EFHD1: variants seen among roughly 807,000 people sequenced by gnomAD.
EFHD1 encodes the protein EF-hand domain family member D1, also known as EF-hand domain-containing protein D1.
A neutral mutation model predicts 17.2 loss-of-function variants in EFHD1; 10 were observed. That is an observed-to-expected ratio of 0.58 (90% CI 0.36 to 0.99). The LOEUF (loss-of-function observed/expected upper bound fraction) is 0.99. Among genes scored for constraint, EFHD1 ranks in the 50% least tolerant of loss-of-function variants. The probability of loss-of-function intolerance (pLI) is 0.01; values close to 1 mark genes in which losing one functional copy is unlikely to be tolerated. For missense variants in EFHD1, 310 were observed against 327.5 expected, an observed-to-expected ratio of 0.95 and a Z score of 0.41; for synonymous variants, 153 against 142.0, an observed-to-expected ratio of 1.08 and a Z score of -0.55.
intron 1 of EFHD1, among the ~76,000 whole-genome samples, chr2:232,654,416 CTT>C (rs539954632): frequency 2.1e-4 from 20 of 94,616 alleles, no homozygotes; most frequent in African/African-American, 7.4e-4. Flanking sequence ...TTCTTTCTTT[CTT>C]TTTTTTTTTT....
At chr2:232,631,033 C>T (rs999138914), upstream of EFHD1, among the ~76,000 whole-genome samples, 1 of 152,020 alleles carries the variant, frequency 6.6e-6, no homozygotes, top group Non-Finnish European at 1.5e-5. Context: ...CAAAACCAGC[C>T]TGGCCAACAT....
intron 2 of EFHD1, among the ~76,000 whole-genome samples, chr2:232,671,001 T>C (rs750913702): frequency 3.3e-5 from 5 of 152,262 alleles, no homozygotes; most frequent in Non-Finnish European, 7.3e-5. Flanking sequence ...TTCATCACTG[T>C]AAACTAGGAT....
intron 2 of EFHD1, among the ~76,000 whole-genome samples, chr2:232,664,967 A>G (rs548925154): frequency 3.9e-5 from 6 of 152,188 alleles, no homozygotes; most frequent in African/African-American, 1.4e-4. Context: ...GCTAGAGTGC[A>G]GTGGTATAGT....
chr2:232,621,737 C>T (rs1202567460), intron 1 of EFHD1, among the ~76,000 whole-genome samples: 2 of 152,176 alleles, frequency 1.3e-5, no homozygotes, highest in East Asian at 3.9e-4. Context: ...CAGGCGTGAG[C>T]CACTGTGCCT....
At chr2:232,642,167 A>G (rs1694444418) in intron 1 of EFHD1, among the ~76,000 whole-genome samples, 1 of 151,922 alleles carries the variant, frequency 6.6e-6, no homozygotes, top group Non-Finnish European at 1.5e-5. Flanking sequence ...GGTGGATCAC[A>G]AGGTCAGGAG....
chr2:232,628,191 G>A (rs1282335772), intron 1 of EFHD1, among the ~76,000 whole-genome samples: 2 of 152,092 alleles, frequency 1.3e-5, no homozygotes, highest in African/African-American at 4.8e-5. Context: ...CTCCTGAGTA[G>A]CTGGGATTAC....
At position 232,627,246 on chromosome 2, in the gene EFHD1, GA is replaced by G. The variant is rs1172175802; in HGVS notation, c.14+21087del. Among the ~76,000 whole-genome samples the G allele has an allele frequency of 2.2e-3, 208 of 93,770 alleles. 1 individual carries two copies. In the East Asian group the frequency reaches 0.023, roughly 10 times the overall value. The allele number at this position is 93,770 out of a possible 152,430, so 61.5% of individuals were successfully genotyped here. ...ACCCTGTCTTAAAAAAACACAAACA[GA>G]AAAAAAAAAAAAACTAGAATTTTGG... On this transcript the variant is annotated intron_variant, in intron 1 of 3. Coordinates refer to the EFHD1 transcript ENST00000409613.
intron 1 of EFHD1, among the ~76,000 whole-genome samples, chr2:232,642,373 CAAAAAAAAAAAAA>C (rs764647177): frequency 4.3e-5 from 3 of 68,968 alleles, no homozygotes; most frequent in African/African-American, 5.6e-5. Context: ...GACTCTGTCT[CAAAAAAAAAAAAA>C]AAAAAAAAAA....
Position 232,609,907 on chromosome 2 carries a change from C to T in EFHD1, c.14+3734C>T, listed in dbSNP as rs150874858. On this transcript the variant is annotated intron_variant, in intron 1 of 3. Transcript: ENST00000409613. ...TCTCCTTTCTCAGAGGAGAGAGTAA[C>T]GTGGGAGAAGCACCGTTTGCCTTTG... Among the ~76,000 whole-genome samples, 447 of 152,284 alleles carry T rather than the reference C, an allele frequency of 2.9e-3. 2 individuals carry two copies. The highest frequency in any genetic ancestry group is 0.02 in the Middle Eastern group (6 of 294).
chr2:232,669,382 C>T (rs908466709), intron 2 of EFHD1, among the ~76,000 whole-genome samples: 2 of 152,250 alleles, frequency 1.3e-5, no homozygotes, highest in South Asian at 4.2e-4. Context: ...ACAATATCCA[C>T]GGTAGCGTTA....
At chr2:232,630,617 G>A (rs909711835), upstream of EFHD1, among the ~76,000 whole-genome samples, 4 of 151,996 alleles carry the variant, frequency 2.6e-5, no homozygotes, top group African/African-American at 9.7e-5. Flanking sequence ...CAATGAAAAA[G>A]TGAAATTTTG....
chr2:232,665,879 T>G (rs980611290), intron 2 of EFHD1, among the ~76,000 whole-genome samples: 1 of 152,208 alleles, frequency 6.6e-6, no homozygotes, highest in African/African-American at 2.4e-5. Context: ...ACTGGCACCC[T>G]GGTTTTTTCA....
intron 1 of EFHD1, among the ~76,000 whole-genome samples, chr2:232,658,226 A>G (rs888734668): frequency 6.6e-6 from 1 of 152,130 alleles, no homozygotes; most frequent in African/African-American, 2.4e-5. Flanking sequence ...TTTCTTTGCT[A>G]TATTTTATCT....
Position 232,678,613 on chromosome 2 carries a change from C to T in EFHD1, c.586-2972C>T, listed in dbSNP as rs569086607. Among the ~76,000 whole-genome samples, 7 of 152,038 alleles carry T rather than the reference C, an allele frequency of 4.6e-5. No individual in the cohort carries two copies. The South Asian group carries it at 1.0e-3, about 23-fold the overall frequency. On this transcript the variant is annotated intron_variant, in intron 3 of 3. Transcript: ENST00000264059. ...CAGCCTGACCAACATGGAGAAACCT[C>T]GTCTCTACTAAAAAACAAAATTAGC...
intron 1 of EFHD1, among the ~76,000 whole-genome samples, chr2:232,651,957 C>T (rs1694662590): frequency 6.6e-6 from 1 of 152,202 alleles, no homozygotes; most frequent in South Asian, 2.1e-4. Flanking sequence ...GGCCATATCA[C>T]CCAGCCTGGG....
chr2:232,641,334 C>T (rs1399190009), intron 1 of EFHD1, among the ~76,000 whole-genome samples: 2 of 152,166 alleles, frequency 1.3e-5, no homozygotes, highest in East Asian at 3.8e-4. Flanking sequence ...CACCTGGCCA[C>T]AATCGGAGTT....
intron 1 of EFHD1, among the ~76,000 whole-genome samples, chr2:232,643,725 C>T (rs1694474175): frequency 1.3e-5 from 2 of 152,114 alleles, no homozygotes; most frequent in Non-Finnish European, 2.9e-5. Context: ...GCTCTGTCAC[C>T]CAGGCTGGAG....
chr2:232,625,302 C>CTT (rs1694087867), intron 1 of EFHD1, among the ~76,000 whole-genome samples: 1 of 134,846 alleles, frequency 7.4e-6, no homozygotes, highest in Non-Finnish European at 1.7e-5. Context: ...CTAATTTAAA[C>CTT]ATTTTTTTTT....
chr2:232,644,794 A>ATTT (rs746133158), intron 1 of EFHD1, among the ~76,000 whole-genome samples: 1 of 123,818 alleles, frequency 8.1e-6, no homozygotes, highest in Non-Finnish European at 1.7e-5. Flanking sequence ...ACCTGGCCTA[A>ATTT]TTTTTTTTTT....
Sources: gnomAD v4.1 joint callset for allele counts (sites outside exome capture counted in the v4.1 genomes callset) on GRCh38, gnomAD v4.1.1 for gene constraint, MANE v1.5 for transcripts, NCBI Gene and HGNC (gene_info 2026-07-23, HGNC 2026-07-21) for gene names.